The following SCHIP1 variants were observed in gnomAD, a reference collection of about 807,000 sequenced individuals.
SCHIP1 encodes schwannomin-interacting protein 1.
SCHIP1 carries 8 observed loss-of-function variants against 29.7 expected under a neutral mutation model. The ratio of observed to expected loss-of-function variants is 0.27; its 90% CI spans 0.16 to 0.49. The LOEUF (loss-of-function observed/expected upper bound fraction) is 0.49, where lower values mean the gene tolerates loss of function less well. Among genes scored for constraint, SCHIP1 ranks in the 20% least tolerant of loss-of-function variants. The pLI, the probability that SCHIP1 is intolerant of heterozygous loss-of-function variation, is 0.99. For missense variants in SCHIP1, 193 were observed against 294.6 expected (o/e 0.66, Z 2.52); for synonymous variants, 76 against 94.9 (o/e 0.80, Z 1.16).
the SCHIP1 span, among the ~76,000 whole-genome samples, chr3:159,649,418 G>A: frequency 5.1e-4 from 77 of 152,014 alleles, 1 homozygote; most frequent in Admixed American, 2.4e-3. Flanking sequence ...ACACAAAACT[G>A]ACAATGACTA....
the SCHIP1 span, among the ~76,000 whole-genome samples, chr3:159,673,553 G>T: frequency 6.6e-6 from 1 of 152,226 alleles, no homozygotes; most frequent in Admixed American, 6.5e-5. Flanking sequence ...CTGGAGGAAA[G>T]AACTTTGGAA....
At chr3:159,833,508 T>G in the SCHIP1 span, among the ~76,000 whole-genome samples, 3 of 152,232 alleles carry the variant, frequency 2.0e-5, no homozygotes, top group African/African-American at 7.2e-5. Context: ...CAAAGACAGC[T>G]GCTTATCATA....
At chr3:159,529,283 T>A in the SCHIP1 span, among the ~76,000 whole-genome samples, 1 of 152,146 alleles carries the variant, frequency 6.6e-6, no homozygotes, top group Non-Finnish European at 1.5e-5. Context: ...TTCGCCTAGT[T>A]AACTAAACAA....
the SCHIP1 span, among the ~76,000 whole-genome samples, chr3:159,533,719 T>C: frequency 6.6e-6 from 1 of 152,176 alleles, no homozygotes; most frequent in African/African-American, 2.4e-5. Context: ...AGACTCTTCC[T>C]TCAGGTCAGC....
chr3:159,450,807 CTTTTTTT>C, the SCHIP1 span, among the ~76,000 whole-genome samples: 12 of 123,052 alleles, frequency 9.8e-5, no homozygotes, highest in Admixed American at 1.0e-3. Context: ...ATTTAGTATT[CTTTTTTT>C]TTTTTTTTTT....
In SCHIP1 at chr3:159,891,963, C is replaced by T. The variant is rs78886950; in HGVS notation, c.590-134C>T. 1.2e-3 allele frequency: 1,148 copies of T among 964,600 alleles called. 4 individuals carry two copies. In the African/African-American group the frequency reaches 0.014, roughly 12 times the overall value. 59.8% of individuals were successfully genotyped at this position (964,600 alleles called of 1,614,324 possible). On this transcript the variant is annotated intron_variant, in intron 5 of 6. Transcript: ENST00000445224. ...AAACTAGACACGTTTCTGCAACATA[C>T]GATGTCTAACCTTTTACAAAAATAT... is the stretch of plus-strand genomic sequence containing the variant.
chr3:159,800,319 C>A, the SCHIP1 span, among the ~76,000 whole-genome samples: 39 of 152,254 alleles, frequency 2.6e-4, no homozygotes, highest in Middle Eastern at 6.8e-3. Context: ...CTCTCCAATG[C>A]GCAGAGATCT....
chr3:159,809,708 A>G, the SCHIP1 span, among the ~76,000 whole-genome samples: 1 of 151,936 alleles, frequency 6.6e-6, no homozygotes, highest in Non-Finnish European at 1.5e-5. Flanking sequence ...CTTTATTAAC[A>G]TATGATTTAT....
the SCHIP1 span, among the ~76,000 whole-genome samples, chr3:159,752,218 C>A: frequency 3.1e-3 from 479 of 152,184 alleles, 4 homozygotes; most frequent in African/African-American, 0.011. Context: ...CAAGAACGGA[C>A]TAAAACACCA....
At chr3:159,711,286 G>A in the SCHIP1 span, among the ~76,000 whole-genome samples, 3 of 77,804 alleles carry the variant, frequency 3.9e-5, no homozygotes, top group Non-Finnish European at 6.3e-5. Flanking sequence ...GCGTGAACCC[G>A]GGAGGCGGAG....
At chr3:159,684,812 A>T in the SCHIP1 span, among the ~76,000 whole-genome samples, 1 of 151,662 alleles carries the variant, frequency 6.6e-6, no homozygotes, top group South Asian at 2.1e-4. Context: ...GCAAAAAAAA[A>T]AAAAAGAAAG....
intron 5 of SCHIP1, among the ~76,000 whole-genome samples, chr3:159,891,155 A>C (rs554432420): frequency 3.1e-4 from 47 of 152,274 alleles, no homozygotes; most frequent in African/African-American, 1.1e-3. Context: ...GCAGATCACG[A>C]GGTCAGGAGA....
the SCHIP1 span, among the ~76,000 whole-genome samples, chr3:159,518,434 A>C: frequency 1.3e-5 from 2 of 152,254 alleles, no homozygotes; most frequent in African/African-American, 4.8e-5. Context: ...ATTTCATAAT[A>C]AAATATATTT....
the SCHIP1 span, among the ~76,000 whole-genome samples, chr3:159,714,529 T>G: frequency 6.6e-6 from 1 of 152,104 alleles, no homozygotes; most frequent in African/African-American, 2.4e-5. Context: ...ACCTGGAAAA[T>G]CAGGTCACTC....
chr3:159,412,958 G>A, the SCHIP1 span, among the ~76,000 whole-genome samples: 1 of 152,264 alleles, frequency 6.6e-6, no homozygotes, highest in East Asian at 1.9e-4. Context: ...AAAGGAAAAA[G>A]GTTTAATTGG....
intron 1 of SCHIP1, among the ~76,000 whole-genome samples, chr3:159,855,178 G>A (rs1201454051): frequency 6.6e-6 from 1 of 152,142 alleles, no homozygotes; most frequent in Non-Finnish European, 1.5e-5. Context: ...TGTCATTCCG[G>A]CCTTTTAAAT....
the SCHIP1 span, among the ~76,000 whole-genome samples, chr3:159,395,953 C>G: frequency 6.6e-6 from 1 of 152,018 alleles, no homozygotes; most frequent in Admixed American, 6.6e-5. Context: ...GTGTGGGAGT[C>G]CAAGTCTCTT....
At chr3:159,655,902 T>A in the SCHIP1 span, among the ~76,000 whole-genome samples, 5 of 151,732 alleles carry the variant, frequency 3.3e-5, no homozygotes, top group African/African-American at 1.2e-4. Flanking sequence ...AGAAAAAAAA[T>A]AAAAGTAAAG....
At chr3:159,577,268 A>T in the SCHIP1 span, among the ~76,000 whole-genome samples, 5 of 152,172 alleles carry the variant, frequency 3.3e-5, no homozygotes, top group Non-Finnish European at 7.4e-5. Context: ...CAAGACAACA[A>T]ATCACCAAGC....
Sources: gnomAD v4.1 joint callset for allele counts (sites outside exome capture counted in the v4.1 genomes callset) on GRCh38, gnomAD v4.1.1 for gene constraint, MANE v1.5 for transcripts, NCBI Gene and HGNC (gene_info 2026-07-23, HGNC 2026-07-21) for gene names.